CACNA2D1: variants seen among roughly 807,000 people sequenced by gnomAD.
The protein encoded by CACNA2D1 is calcium voltage-gated channel auxiliary subunit alpha2delta 1, also known as voltage-dependent calcium channel subunit alpha-2/delta-1.
A neutral mutation model predicts 171.5 loss-of-function variants in CACNA2D1; 53 were observed. The ratio of observed to expected loss-of-function variants is 0.31; its 90% CI spans 0.25 to 0.39. The LOEUF (loss-of-function observed/expected upper bound fraction) is 0.39. Ranked by LOEUF, CACNA2D1 falls within the 10% of genes least tolerant of loss-of-function variation. The pLI, the probability that CACNA2D1 is intolerant of heterozygous loss-of-function variation, is 1.00. For synonymous variants in CACNA2D1, 442 were observed against 443.1 expected, an observed-to-expected ratio of 1.00 and a Z score of 0.03; for missense variants, 903 against 1,299.8, an observed-to-expected ratio of 0.69 and a Z score of 4.69.
At chr7:82,101,743 T>C (rs1335619102) in intron 6 of CACNA2D1, among the ~76,000 whole-genome samples, 2 of 152,280 alleles carry the variant, frequency 1.3e-5, no homozygotes, top group Middle Eastern at 3.4e-3. Flanking sequence ...AGTTTAAATA[T>C]GCTTCTTTCC....
intron 21 of CACNA2D1, among the ~76,000 whole-genome samples, chr7:81,990,195 ACTGT>A (rs1460957541): frequency 2.6e-5 from 4 of 152,150 alleles, no homozygotes; most frequent in African/African-American, 7.2e-5. Flanking sequence ...CAATTTGCAA[ACTGT>A]CTATTACAAG....
intron 3 of CACNA2D1, among the ~76,000 whole-genome samples, chr7:82,214,427 G>A (rs867399973): frequency 6.6e-6 from 1 of 150,598 alleles, no homozygotes; most frequent in Non-Finnish European, 1.5e-5. Context: ...GAAGGAGCAA[G>A]CCCATGCGCA....
intron 19 of CACNA2D1, among the ~76,000 whole-genome samples, chr7:81,995,885 A>AT (rs1460179916): frequency 2.6e-5 from 4 of 151,690 alleles, no homozygotes; most frequent in African/African-American, 4.8e-5. Context: ...TCCTCAACTT[A>AT]TTTTTTATAA....
At chr7:82,370,623 G>GTA (rs1345939313) in intron 1 of CACNA2D1, among the ~76,000 whole-genome samples, 1 of 151,768 alleles carries the variant, frequency 6.6e-6, no homozygotes, top group Admixed American at 6.6e-5. Flanking sequence ...ATAGATATAA[G>GTA]TAGATACACA....
intron 5 of CACNA2D1, among the ~76,000 whole-genome samples, chr7:82,120,736 G>A (rs1224843746): frequency 6.6e-6 from 1 of 151,966 alleles, no homozygotes; most frequent in African/African-American, 2.4e-5. Context: ...TTAGCCGAGT[G>A]TGGTGGCACA....
At chr7:81,972,991 T>C (rs1318409400) in intron 25 of CACNA2D1, among the ~76,000 whole-genome samples, 1 of 152,022 alleles carries the variant, frequency 6.6e-6, no homozygotes, top group African/African-American at 2.4e-5. Flanking sequence ...AAACAGTTCA[T>C]TTGGAAAGTA....
At chr7:82,262,223 C>T (rs944801608) in intron 3 of CACNA2D1, among the ~76,000 whole-genome samples, 4 of 152,024 alleles carry the variant, frequency 2.6e-5, no homozygotes, top group African/African-American at 4.8e-5. Flanking sequence ...CCCAGCTACT[C>T]GGGAGGCTGA....
chr7:82,383,476 A>G (rs187818249), intron 1 of CACNA2D1, among the ~76,000 whole-genome samples: 3 of 152,364 alleles, frequency 2.0e-5, no homozygotes, highest in African/African-American at 7.2e-5. Context: ...TACATGGGAA[A>G]AGGGAATCAC....
intron 24 of CACNA2D1, among the ~76,000 whole-genome samples, chr7:81,981,251 A>G (rs576267344): frequency 2.5e-4 from 38 of 152,228 alleles, no homozygotes; most frequent in Admixed American, 2.2e-3. Flanking sequence ...AAGAAATGAA[A>G]CTCATGAAAG....
At chr7:82,010,924 T>G (rs1799706800) in intron 15 of CACNA2D1, among the ~76,000 whole-genome samples, 1 of 152,178 alleles carries the variant, frequency 6.6e-6, no homozygotes, top group Admixed American at 6.6e-5. Flanking sequence ...CTTATTATTT[T>G]GATTCTCTCC....
intron 1 of CACNA2D1, among the ~76,000 whole-genome samples, chr7:82,361,693 G>A (rs372892605): frequency 2.6e-5 from 4 of 152,010 alleles, no homozygotes; most frequent in South Asian, 4.1e-4. Context: ...CATATCATAC[G>A]CTCAGTAGAT....
intron 4 of CACNA2D1, among the ~76,000 whole-genome samples, chr7:82,138,427 TTTTGTTTTTTTTG>T (rs1489004122): frequency 2.6e-5 from 2 of 76,200 alleles, no homozygotes; most frequent in Admixed American, 1.7e-4. Flanking sequence ...ATAGCATTAG[TTTTGTTTTTTTTG>T]TTTTTTTTGT....
chr7:82,120,874 CA>C (rs749679830), intron 5 of CACNA2D1, among the ~76,000 whole-genome samples: 184 of 104,574 alleles, frequency 1.8e-3, no homozygotes, highest in Admixed American at 2.4e-3. Flanking sequence ...GACTCTATCT[CA>C]AAAAAAAAAA....
At chr7:82,096,607 T>C (rs1366393218) in intron 6 of CACNA2D1, among the ~76,000 whole-genome samples, 1 of 143,202 alleles carries the variant, frequency 7.0e-6, no homozygotes, top group Non-Finnish European at 1.5e-5. Flanking sequence ...TATTGACAAA[T>C]AGGAAATACC....
intron 10 of CACNA2D1, among the ~76,000 whole-genome samples, 160 bp from the exon 11 acceptor site, chr7:82,038,395 G>C (rs1803562852): frequency 6.6e-6 from 1 of 152,118 alleles, no homozygotes; most frequent in Admixed American, 6.5e-5. Flanking sequence ...AGAAACCAAT[G>C]GCTATTTTCA....
At chr7:82,137,918 T>A (rs1791863715) in intron 4 of CACNA2D1, among the ~76,000 whole-genome samples, 1 of 152,050 alleles carries the variant, frequency 6.6e-6, no homozygotes, top group Non-Finnish European at 1.5e-5. Flanking sequence ...CGGAAATTAC[T>A]TGGGAAAAGT....
chr7:82,034,001 T>C (rs1333812615), intron 11 of CACNA2D1, among the ~76,000 whole-genome samples: 1 of 151,944 alleles, frequency 6.6e-6, no homozygotes, highest in Non-Finnish European at 1.5e-5. Context: ...TTAAGGGGAG[T>C]AATAAGAAAT....
At chr7:82,396,700 A>G (rs149387490) in intron 1 of CACNA2D1, among the ~76,000 whole-genome samples, 8 of 152,288 alleles carry the variant, frequency 5.3e-5, no homozygotes, top group African/African-American at 1.9e-4. Context: ...TAGTCCTTCT[A>G]CTTCTTATAT....
At chr7:82,156,498 T>A (rs1274923075) in intron 4 of CACNA2D1, among the ~76,000 whole-genome samples, 2 of 152,142 alleles carry the variant, frequency 1.3e-5, no homozygotes, top group Non-Finnish European at 2.9e-5. Context: ...CAACTTTTGC[T>A]CTACATTCGC....
Sources: allele counts gnomAD v4.1 joint callset (sites outside exome capture counted in the v4.1 genomes callset), GRCh38; gene constraint gnomAD v4.1.1; transcripts MANE v1.5; gene names NCBI Gene and HGNC (gene_info 2026-07-23, HGNC 2026-07-21).